C2CD5: variants seen among roughly 807,000 people sequenced by gnomAD.
The protein encoded by C2CD5 is C2 domain-containing protein 5.
In C2CD5, 109 loss-of-function variants were observed where a neutral mutation model predicts 130.3. That is an observed-to-expected ratio of 0.84 (90% CI 0.72 to 0.98). The LOEUF (loss-of-function observed/expected upper bound fraction) is 0.98, where lower values mean the gene tolerates loss of function less well. Ranked by LOEUF, C2CD5 falls within the 50% of genes least tolerant of loss-of-function variation. C2CD5 has a pLI of 0.00. For synonymous variants in C2CD5, 454 were observed against 429.2 expected (o/e 1.06, Z -0.71); for missense variants, 996 against 1,261.8 (o/e 0.79, Z 3.19).
At chr12:22,493,201 T>C (rs1310442146) in intron 11 of C2CD5, 22 bp downstream of exon 11, 1 of 1,345,090 alleles carries the variant, frequency 7.4e-7, no homozygotes, top group Non-Finnish European at 1.0e-6. Flanking sequence ...GTCTGGAAAA[T>C]CAAGTTGTTA....
intron 14 of C2CD5, among the ~76,000 whole-genome samples, chr12:22,479,142 C>T (rs1591771625): frequency 6.6e-6 from 1 of 151,630 alleles, no homozygotes; most frequent in East Asian, 1.9e-4. Flanking sequence ...GGCGTGATCT[C>T]GGCTCACTGC....
chr12:22,498,037 T>C (rs568345255), intron 10 of C2CD5, among the ~76,000 whole-genome samples: 1 of 152,152 alleles, frequency 6.6e-6, no homozygotes, highest in African/African-American at 2.4e-5. Context: ...CATCTTGAAC[T>C]CTTATTTATC....
intron 26 of C2CD5, among the ~76,000 whole-genome samples, chr12:22,452,210 C>A (rs540529453): frequency 6.6e-6 from 1 of 152,184 alleles, no homozygotes; most frequent in Non-Finnish European, 1.5e-5. Flanking sequence ...AAAGAAGTAT[C>A]CAGTTGAATA....
chr12:22,511,772 A>T (rs1949223619), intron 9 of C2CD5, among the ~76,000 whole-genome samples: 1 of 152,242 alleles, frequency 6.6e-6, no homozygotes, highest in Non-Finnish European at 1.5e-5. Flanking sequence ...AGTCACAGGC[A>T]CAACATACAA....
At chr12:22,506,181 A>C (rs1948510946) in intron 10 of C2CD5, among the ~76,000 whole-genome samples, 3 of 152,046 alleles carry the variant, frequency 2.0e-5, no homozygotes, top group Admixed American at 2.0e-4. Context: ...CAGTGTTTAC[A>C]TAGGTCTTGT....
intron 20 of C2CD5, 46 bp downstream of exon 20, chr12:22,471,353 T>C: frequency 9.7e-7 from 1 of 1,027,790 alleles, no homozygotes. Context: ...ATGAAAATAA[T>C]AAAACAGATC....
chr12:22,453,264 C>A (rs1460594192), intron 26 of C2CD5, among the ~76,000 whole-genome samples: 1 of 152,122 alleles, frequency 6.6e-6, no homozygotes, highest in Admixed American at 6.6e-5. Context: ...GCATTCATCA[C>A]AGTGTACCAG....
At chr12:22,453,444 A>C (rs1939128210) in intron 26 of C2CD5, among the ~76,000 whole-genome samples, 1 of 152,210 alleles carries the variant, frequency 6.6e-6, no homozygotes, top group African/African-American at 2.4e-5. Flanking sequence ...TAAGATTTAA[A>C]CTAACTGCTT....
At chr12:22,527,537 C>T (rs1463263143) in intron 4 of C2CD5, among the ~76,000 whole-genome samples, 184 bp downstream of exon 4, 1 of 151,874 alleles carries the variant, frequency 6.6e-6, no homozygotes, top group Non-Finnish European at 1.5e-5. Flanking sequence ...AGGCTGGTCT[C>T]GAACTCCCGA....
At chr12:22,498,355 A>G (rs1160027983) in intron 10 of C2CD5, among the ~76,000 whole-genome samples, 1 of 152,176 alleles carries the variant, frequency 6.6e-6, no homozygotes, top group Non-Finnish European at 1.5e-5. Context: ...ACAAACATCC[A>G]CTGAATAAAA....
intron 3 of C2CD5, among the ~76,000 whole-genome samples, chr12:22,532,669 G>A (rs1951412325): frequency 6.6e-6 from 1 of 152,176 alleles, no homozygotes; most frequent in Non-Finnish European, 1.5e-5. Flanking sequence ...CCTAAAAATC[G>A]TAGTGTCATT....
intron 16 of C2CD5, 67 bp downstream of exon 16, chr12:22,474,684 T>C: frequency 8.7e-7 from 1 of 1,147,268 alleles, no homozygotes; most frequent in Non-Finnish European, 1.2e-6. Context: ...CATATTAATT[T>C]AGCACGTGAA....
At chr12:22,530,574 C>T (rs939151817) in intron 3 of C2CD5, among the ~76,000 whole-genome samples, 1 of 151,730 alleles carries the variant, frequency 6.6e-6, no homozygotes, top group Non-Finnish European at 1.5e-5. Flanking sequence ...TCTTGGGCCT[C>T]GGCCTCCCAC....
intron 2 of C2CD5, among the ~76,000 whole-genome samples, chr12:22,542,304 GA>G (rs1565826424): frequency 6.6e-6 from 1 of 152,262 alleles, no homozygotes; most frequent in East Asian, 1.9e-4. Context: ...TTGGGAGGCC[GA>G]AGCGGGAGAG....
intron 2 of C2CD5, among the ~76,000 whole-genome samples, chr12:22,536,451 T>C (rs1256302310): frequency 1.3e-5 from 2 of 152,204 alleles, no homozygotes. Context: ...GAATTTAACC[T>C]ACAGAAGTAC....
chr12:22,499,009 T>C (rs1374956475), intron 10 of C2CD5, among the ~76,000 whole-genome samples: 1 of 152,168 alleles, frequency 6.6e-6, no homozygotes, highest in Non-Finnish European at 1.5e-5. Flanking sequence ...TTAAAAATTA[T>C]GTATGTGAGC....
At chr12:22,488,138 TACATATGTAACAAACCTGC>T (rs1945811986) in intron 12 of C2CD5, among the ~76,000 whole-genome samples, 1 of 151,866 alleles carries the variant, frequency 6.6e-6, no homozygotes, top group Non-Finnish European at 1.5e-5. Context: ...GGCACAGGTA[TACATATGTAACAAACCTGC>T]ACGTTGTGCA....
chr12:22,519,919 A>G (rs1378778536), intron 7 of C2CD5, among the ~76,000 whole-genome samples: 3 of 152,174 alleles, frequency 2.0e-5, no homozygotes, highest in African/African-American at 7.2e-5. Context: ...AACAATGTCA[A>G]TAACTTTGGC....
At chr12:22,512,710 A>AAGAG in intron 9 of C2CD5, 1 of 1,432,812 alleles carries the variant, frequency 7.0e-7, no homozygotes, top group Non-Finnish European at 9.3e-7. Context: ...AAAAAAAAAA[A>AAGAG]AGAGAGAGAG....
Sources: gnomAD v4.1 joint callset for allele counts (sites outside exome capture counted in the v4.1 genomes callset) on GRCh38, gnomAD v4.1.1 for gene constraint, MANE v1.5 for transcripts, NCBI Gene and HGNC (gene_info 2026-07-23, HGNC 2026-07-21) for gene names.